The following P4HA1 variants were observed in gnomAD, a reference collection of about 807,000 sequenced individuals.
P4HA1 encodes prolyl 4-hydroxylase subunit alpha-1.
Under a neutral mutation model 72.8 loss-of-function variants are expected in P4HA1, and 24 were observed. That is an observed-to-expected ratio of 0.33 (90% CI 0.24 to 0.46). The LOEUF is 0.46. Among genes scored for constraint, P4HA1 ranks in the 20% least tolerant of loss-of-function variants. The pLI is 1.00. For missense variants in P4HA1, 446 were observed against 640.6 expected, an observed-to-expected ratio of 0.70 and a Z score of 3.28; for synonymous variants, 201 against 218.8, an observed-to-expected ratio of 0.92 and a Z score of 0.72.
At position 73,053,443 on chromosome 10, in the gene P4HA1, TTATC is replaced by T; in HGVS notation, c.607_610del (p.Asp203LysfsTer5). 6.2e-7 allele frequency: 1 copy of T among 1,614,128 alleles called. No homozygotes were observed. The highest frequency in any genetic ancestry group is 1.1e-5 in the South Asian group (1 of 91,078). On this transcript the variant is annotated frameshift_variant, in exon 6 of 15. Transcript: ENST00000394890. LOFTEE classifies it high-confidence loss of function. ...GCTCAAATAATCTAGAACAGAGACT[TTATC>T]TATGGTAGAAATCTCGCCTTCATCC... is the stretch of plus-strand genomic sequence containing the variant.
In P4HA1 at chr10:73,047,138, A is replaced by G. The variant is rs747475689; in HGVS notation, c.901-37T>C. ...GTTAAGAATATGATGAATATATTAC[A>G]GTAATAATACTTTTAATATCTATTC... On this transcript the variant is annotated intron_variant, in intron 7 of 14. Coordinates refer to ENST00000394890, the MANE Select transcript of P4HA1 (RefSeq NM_001017962.3). 2.2e-6 allele frequency: 3 copies of G among 1,381,428 alleles called. No homozygotes were observed. In the East Asian group the frequency reaches 7.0e-5, roughly 32 times the overall value. 85.6% of individuals were successfully genotyped at this position (1,381,428 alleles called of 1,614,324 possible). A position where few individuals can be genotyped will look rare whatever the true frequency, so the allele number is the denominator to read the frequency against.
intron 8 of P4HA1, among the ~76,000 whole-genome samples, chr10:73,046,285 A>T (rs1234648644): frequency 6.6e-6 from 1 of 152,192 alleles, no homozygotes; most frequent in Non-Finnish European, 1.5e-5. Flanking sequence ...TATCAAGAAG[A>T]CCAAATATGT....
At chr10:73,067,126 C>T (rs1841442284) in intron 5 of P4HA1, among the ~76,000 whole-genome samples, 2 of 152,294 alleles carry the variant, frequency 1.3e-5, no homozygotes, top group African/African-American at 4.8e-5. Flanking sequence ...ACCTTAGCCT[C>T]CCAAAGTGCT....
intron 10 of P4HA1, among the ~76,000 whole-genome samples, chr10:73,021,360 C>T (rs377663045): frequency 2.6e-5 from 4 of 152,092 alleles, no homozygotes; most frequent in African/African-American, 7.2e-5. Context: ...AAGAGATATC[C>T]GCATTCCCAT....
At chr10:73,094,827 T>C (rs1439418282) in intron 1 of P4HA1, among the ~76,000 whole-genome samples, 1 of 152,202 alleles carries the variant, frequency 6.6e-6, no homozygotes, top group Non-Finnish European at 1.5e-5. Context: ...TTCAATAGTC[T>C]TTTGCACTAA....
chr10:73,046,987 G>A lies in P4HA1; in HGVS notation c.1015C>T (p.Arg339Cys). 2.5e-6 allele frequency: 4 copies of A among 1,612,852 alleles called. No homozygotes were observed. The highest frequency in any genetic ancestry group is 2.2e-5 in the South Asian group (2 of 91,012). The change falls in exon 8 of 15, where the codon CGC becomes TGC. Residue 339 changes from arginine (R) to cysteine (C), a missense_variant. Physicochemically the swap from Arg to Cys is radical, Grantham distance 180. Coordinates refer to ENST00000394890, the MANE Select transcript of P4HA1 (RefSeq NM_001017962.3). ...EDEWDKPRII[R>C]FHDIISDAEI... is the part of the protein sequence containing the mutation. ...GCATCAGAAATAATATCATGGAAGC[G>A]AATAATACGAGGCTTGTCCCATTCA...
chr10:73,088,771 T>C (rs1342194982), intron 1 of P4HA1, among the ~76,000 whole-genome samples: 1 of 152,262 alleles, frequency 6.6e-6, no homozygotes, highest in Non-Finnish European at 1.5e-5. Flanking sequence ...CTATCCTCTG[T>C]TGAACTGCCC....
intron 1 of P4HA1, among the ~76,000 whole-genome samples, chr10:73,086,866 G>A (rs1456365995): frequency 3.3e-5 from 5 of 150,356 alleles, no homozygotes; most frequent in Non-Finnish European, 7.4e-5. Context: ...CCCAGGAGGT[G>A]GAGGTTGCAG....
intron 1 of P4HA1, among the ~76,000 whole-genome samples, chr10:73,095,940 T>A (rs1257083489): frequency 6.6e-6 from 1 of 150,656 alleles, no homozygotes; most frequent in Non-Finnish European, 1.5e-5. Flanking sequence ...GTAATCCAAC[T>A]CAAAATCCTC....
intron 5 of P4HA1, among the ~76,000 whole-genome samples, chr10:73,060,781 C>A (rs553697990): frequency 6.6e-6 from 1 of 151,760 alleles, no homozygotes; most frequent in Non-Finnish European, 1.5e-5. Flanking sequence ...AATCTGAGAT[C>A]AAAGTAATAC....
rs139202944 is a variant in P4HA1, at chr10:73,059,154, A to G, written c.464-5564T>C. On this transcript the variant is annotated intron_variant, in intron 5 of 14. Coordinates refer to ENST00000394890, the MANE Select transcript of P4HA1 (RefSeq NM_001017962.3). ...TTTGCTTGTATTTTAAAAAACTGGA[A>G]ATAGTAAAACTAACAAAATGGTCAC... Among the ~76,000 whole-genome samples the G allele has an allele frequency of 3.4e-3, 514 of 152,190 alleles. 3 individuals are homozygous for G. Among genetic ancestry groups the G allele is most frequent in the African/African-American group, 0.011 (464 of 41,518 alleles).
intron 5 of P4HA1, among the ~76,000 whole-genome samples, chr10:73,067,244 C>A (rs1005047118): frequency 6.6e-6 from 1 of 152,172 alleles, no homozygotes; most frequent in African/African-American, 2.4e-5. Context: ...TTCTACTATT[C>A]TACTCTAATA....
At chr10:73,093,085 A>G (rs1842070953) in intron 1 of P4HA1, among the ~76,000 whole-genome samples, 1 of 151,110 alleles carries the variant, frequency 6.6e-6, no homozygotes, top group Admixed American at 6.6e-5. Flanking sequence ...ACACCACTGC[A>G]CTCCATCCTG....
chr10:73,077,543 A>G (rs1841727936), intron 1 of P4HA1, among the ~76,000 whole-genome samples: 1 of 152,242 alleles, frequency 6.6e-6, no homozygotes, highest in Admixed American at 6.5e-5. Flanking sequence ...AATCGTAAAA[A>G]GAATAAATAT....
intron 5 of P4HA1, among the ~76,000 whole-genome samples, chr10:73,055,392 C>G (rs867829541): frequency 6.6e-6 from 1 of 152,134 alleles, no homozygotes; most frequent in Non-Finnish European, 1.5e-5. Context: ...TTAGTCAAGA[C>G]GGGGTTTCAC....
chr10:73,035,396 G>A (rs1340661652), intron 9 of P4HA1, among the ~76,000 whole-genome samples: 1 of 152,092 alleles, frequency 6.6e-6, no homozygotes, highest in African/African-American at 2.4e-5. Flanking sequence ...TGGTGGCACA[G>A]GTTTATAGTT....
At chr10:73,093,359 G>A (rs985266004) in intron 1 of P4HA1, among the ~76,000 whole-genome samples, 1 of 151,954 alleles carries the variant, frequency 6.6e-6, no homozygotes, top group East Asian at 1.9e-4. Flanking sequence ...ATCATCCAAA[G>A]GAAGACCAGG....
In P4HA1 at chr10:73,050,172, A is replaced by C. The variant is rs1589603464; in HGVS notation, c.900+881T>G. 2.6e-5 allele frequency among the ~76,000 whole-genome samples: 4 copies of C among 152,126 alleles called. 2 individuals carry two copies. Among genetic ancestry groups the C allele is most frequent in the Admixed American group, 2.6e-4 (4 of 15,276 alleles). On this transcript the variant is annotated intron_variant, in intron 7 of 14. Transcript: ENST00000394890. ...TAGGGTGGGTTTCTGTCTCAAAAAAAAAAAAAAAAATACTGCTGAAATCTC... is the reference window on the plus strand; with the variant it reads ...TAGGGTGGGTTTCTGTCTCAAAAAACAAAAAAAAAATACTGCTGAAATCTC...
At chr10:73,058,502 A>G (rs1266524288) in intron 5 of P4HA1, among the ~76,000 whole-genome samples, 3 of 152,172 alleles carry the variant, frequency 2.0e-5, no homozygotes, top group Non-Finnish European at 4.4e-5. Context: ...GAGCATGTAC[A>G]TCCTTTCCCT....
Sources: allele counts gnomAD v4.1 joint callset (sites outside exome capture counted in the v4.1 genomes callset), GRCh38; gene constraint gnomAD v4.1.1; transcripts MANE v1.5; gene names NCBI Gene and HGNC (gene_info 2026-07-23, HGNC 2026-07-21).